The following SPECC1 variants were observed in gnomAD, a reference collection of about 807,000 sequenced individuals.
The protein encoded by SPECC1 is sperm antigen with calponin homology and coiled-coil domains 1, also known as cytospin-B.
A neutral mutation model predicts 104.1 loss-of-function variants in SPECC1; 62 were observed. The observed-to-expected ratio is 0.60, with a 90% CI of 0.49 to 0.74. The LOEUF is 0.74. Among genes scored for constraint, SPECC1 ranks in the 30% least tolerant of loss-of-function variants. The pLI, the probability that SPECC1 is intolerant of heterozygous loss-of-function variation, is 0.00. For synonymous variants in SPECC1, 513 were observed against 501.6 expected, an observed-to-expected ratio of 1.02 and a Z score of -0.30; for missense variants, 1,306 against 1,310.5, an observed-to-expected ratio of 1.00 and a Z score of 0.05.
intron 1 of SPECC1, among the ~76,000 whole-genome samples, chr17:20,078,961 C>T (rs994684421): frequency 1.1e-4 from 17 of 152,104 alleles, no homozygotes; most frequent in African/African-American, 3.9e-4. Context: ...AGGCATTTTT[C>T]CGGGCCCACA....
Position 20,151,361 on chromosome 17 carries a change from C to T in SPECC1, c.283+40799C>T, listed in dbSNP as rs559966216. On this transcript the variant is annotated intron_variant, in intron 3 of 14. Coordinates refer to ENST00000395527, the MANE Select transcript of SPECC1 (RefSeq NM_001243439.2). The stretch of plus-strand genomic sequence containing the variant: ...TGGGGGTAAACCTTCAACAGTACTG[C>T]GTTGTCAGCATTTTTTTGAATATTG... 4.6e-5 allele frequency among the ~76,000 whole-genome samples: 7 copies of T among 152,310 alleles called. No homozygotes were observed. In the East Asian group the frequency reaches 9.6e-4, roughly 21 times the overall value.
In SPECC1 at chr17:20,315,294, CAAA is replaced by C. The variant is rs1051923320; in HGVS notation, c.*1230_*1232del. The stretch of plus-strand genomic sequence containing the variant: ...GCGGTGAGGGCACATTTATAACTAA[CAAA>C]GAAGAATGCAGTTGCCCCAGCATCC... On this transcript the variant is annotated 3_prime_UTR_variant, in exon 15 of 15. Transcript: ENST00000395527. 25 of 232,602 alleles carry C rather than the reference CAAA, an allele frequency of 1.1e-4. No individual in the cohort carries two copies. The highest frequency in any genetic ancestry group is 4.2e-4 in the African/African-American group (19 of 45,290). 14.4% of individuals were successfully genotyped at this position (232,602 alleles called of 1,614,324 possible).
chr17:20,216,359 C>G (rs1249079948), intron 4 of SPECC1, among the ~76,000 whole-genome samples: 1 of 152,162 alleles, frequency 6.6e-6, no homozygotes, highest in African/African-American at 2.4e-5. Context: ...AATGTCTAAT[C>G]TAATTCTTTG....
chr17:20,201,488 A>G (rs148009388), intron 3 of SPECC1, among the ~76,000 whole-genome samples: 266 of 152,304 alleles, frequency 1.7e-3, no homozygotes, highest in Middle Eastern at 6.8e-3. Flanking sequence ...TCTCAAAAAA[A>G]TAAAAAAAGA....
chr17:20,157,826 A>C (rs2032740378), intron 3 of SPECC1, among the ~76,000 whole-genome samples: 1 of 152,212 alleles, frequency 6.6e-6, no homozygotes, highest in African/African-American at 2.4e-5. Flanking sequence ...AAATGAAGAT[A>C]CCGGATTTAG....
At chr17:20,283,274 T>C (rs1173660875) in intron 12 of SPECC1, among the ~76,000 whole-genome samples, 3 of 152,200 alleles carry the variant, frequency 2.0e-5, no homozygotes, top group African/African-American at 4.8e-5. Flanking sequence ...AGTTATTCCA[T>C]GAGGGACAAA....
intron 3 of SPECC1, among the ~76,000 whole-genome samples, chr17:20,179,193 G>T (rs139653406): frequency 6.6e-6 from 1 of 152,230 alleles, no homozygotes; most frequent in Non-Finnish European, 1.5e-5. Flanking sequence ...CAGGGACAGC[G>T]CATCAAATCT....
At chr17:20,018,295 G>A (rs1345101586) in intron 1 of SPECC1, among the ~76,000 whole-genome samples, 8 of 152,106 alleles carry the variant, frequency 5.3e-5, no homozygotes, top group Admixed American at 2.0e-4. Flanking sequence ...GTTGGCCATC[G>A]GCACTCTTGT....
At chr17:20,246,967 A>G (rs1362127489) in intron 8 of SPECC1, among the ~76,000 whole-genome samples, 1 of 152,222 alleles carries the variant, frequency 6.6e-6, no homozygotes, top group East Asian at 1.9e-4. Context: ...TTCTCTAGGC[A>G]TCTCATTATT....
At chr17:20,184,588 G>A (rs1192384280) in intron 3 of SPECC1, among the ~76,000 whole-genome samples, 3 of 152,118 alleles carry the variant, frequency 2.0e-5, no homozygotes, top group African/African-American at 7.2e-5. Flanking sequence ...GTGTGATCTT[G>A]GGCAAGTTAT....
chr17:20,052,107 C>T (rs539764824), intron 1 of SPECC1, among the ~76,000 whole-genome samples: 1 of 152,300 alleles, frequency 6.6e-6, no homozygotes, highest in African/African-American at 2.4e-5. Context: ...AATATTATCA[C>T]TTCATCACTT....
intron 3 of SPECC1, among the ~76,000 whole-genome samples, chr17:20,113,258 G>T (rs1379077409): frequency 6.6e-6 from 1 of 152,060 alleles, no homozygotes; most frequent in Non-Finnish European, 1.5e-5. Context: ...GGTTTACCTG[G>T]TTTTATGACC....
At chr17:20,052,243 G>A (rs2152462237) in intron 1 of SPECC1, among the ~76,000 whole-genome samples, 1 of 152,282 alleles carries the variant, frequency 6.6e-6, no homozygotes, top group East Asian at 1.9e-4. Flanking sequence ...TGTCACCATA[G>A]TGACTGCTAA....
chr17:20,144,778 AT>A (rs1308630214), intron 3 of SPECC1, among the ~76,000 whole-genome samples: 2 of 152,100 alleles, frequency 1.3e-5, no homozygotes, highest in Admixed American at 6.5e-5. Flanking sequence ...CTCAATGAAG[AT>A]TTTTTATATT....
intron 6 of SPECC1, 22 bp from the exon 7 acceptor site, chr17:20,232,178 G>C (rs2038624816): frequency 6.8e-6 from 11 of 1,613,384 alleles, no homozygotes; most frequent in Non-Finnish European, 8.5e-6. Context: ...TCTGACATAA[G>C]GATGGGCTCT....
At chr17:20,226,723 C>A (rs1193481316) in intron 4 of SPECC1, among the ~76,000 whole-genome samples, 1 of 152,208 alleles carries the variant, frequency 6.6e-6, no homozygotes, top group African/African-American at 2.4e-5. Flanking sequence ...TGCCGTGCCA[C>A]TTTTCTGCTT....
intron 4 of SPECC1, among the ~76,000 whole-genome samples, chr17:20,217,281 G>GT (rs966089558): frequency 5.6e-4 from 83 of 147,644 alleles, no homozygotes; most frequent in East Asian, 3.1e-3. Context: ...GTGTGTGTGT[G>GT]TTTTTTTTTT....
intron 1 of SPECC1, among the ~76,000 whole-genome samples, chr17:20,083,838 C>G (rs2047073563): frequency 6.6e-6 from 1 of 152,220 alleles, no homozygotes; most frequent in Non-Finnish European, 1.5e-5. Flanking sequence ...TTTTGCATTT[C>G]CGCCAGCAAT....
intron 3 of SPECC1, among the ~76,000 whole-genome samples, chr17:20,113,560 A>G (rs1478697111): frequency 6.6e-6 from 1 of 152,196 alleles, no homozygotes; most frequent in East Asian, 1.9e-4. Context: ...TCATTTTTAT[A>G]ATGTTTACTT....
Sources: gnomAD v4.1 joint callset for allele counts (sites outside exome capture counted in the v4.1 genomes callset) on GRCh38, gnomAD v4.1.1 for gene constraint, MANE v1.5 for transcripts, NCBI Gene and HGNC (gene_info 2026-07-23, HGNC 2026-07-21) for gene names.